The following ADK variants were observed in gnomAD, a reference collection of about 807,000 sequenced individuals.
ADK encodes N6,N6-dimethyladenosine kinase.
In ADK, 24 loss-of-function variants were observed where a neutral mutation model predicts 44.7. That is an observed-to-expected ratio of 0.54 (90% CI 0.39 to 0.76). The LOEUF (loss-of-function observed/expected upper bound fraction) is 0.76. Ranked by LOEUF, ADK falls within the 30% of genes least tolerant of loss-of-function variation. The pLI is 0.00. For missense variants in ADK, 321 were observed against 425.1 expected, an observed-to-expected ratio of 0.76 and a Z score of 2.15; for synonymous variants, 128 against 142.6, an observed-to-expected ratio of 0.90 and a Z score of 0.73.
At chr10:74,677,061 G>A (rs954730506) in intron 10 of ADK, among the ~76,000 whole-genome samples, 1 of 152,014 alleles carries the variant, frequency 6.6e-6, no homozygotes, top group African/African-American at 2.4e-5. Context: ...CCTGGACAAC[G>A]TGGCAAAACC....
intron 6 of ADK, among the ~76,000 whole-genome samples, chr10:74,475,157 C>A (rs1438617082): frequency 5.3e-5 from 8 of 149,802 alleles, no homozygotes; most frequent in African/African-American, 1.7e-4. Flanking sequence ...CAAAAAAAAA[C>A]AAAACAAAAA....
At chr10:74,252,189 A>C (rs149562527) in intron 3 of ADK, among the ~76,000 whole-genome samples, 1 of 152,312 alleles carries the variant, frequency 6.6e-6, no homozygotes, top group East Asian at 1.9e-4. Context: ...TTTGGGGCCT[A>C]GGTCAGGATA....
chr10:74,512,045 T>C (rs1848353799), intron 6 of ADK, among the ~76,000 whole-genome samples: 1 of 152,222 alleles, frequency 6.6e-6, no homozygotes, highest in Non-Finnish European at 1.5e-5. Flanking sequence ...TTTTCTGCTT[T>C]TCATTGAGAT....
chr10:74,656,075 G>T, intron 9 of ADK: 1 of 432,364 alleles, frequency 2.3e-6, no homozygotes. Flanking sequence ...TGGGACATGT[G>T]AAGCACAAAC....
At chr10:74,160,296 C>G (rs1440358978) in intron 1 of ADK, among the ~76,000 whole-genome samples, 4 of 152,100 alleles carry the variant, frequency 2.6e-5, no homozygotes, top group South Asian at 2.1e-4. Flanking sequence ...AAGTTACCAC[C>G]CTTTTCCTAG....
intron 7 of ADK, among the ~76,000 whole-genome samples, chr10:74,526,817 G>C (rs894039104): frequency 1.3e-5 from 2 of 152,158 alleles, no homozygotes; most frequent in Non-Finnish European, 2.9e-5. Context: ...ATTTGACTAA[G>C]ATCTACCATT....
At chr10:74,585,113 A>G (rs753603346) in intron 7 of ADK, among the ~76,000 whole-genome samples, 19 of 152,076 alleles carry the variant, frequency 1.2e-4, no homozygotes, top group Non-Finnish European at 2.4e-4. Flanking sequence ...ATAGCTCTTA[A>G]TGTAAGTATT....
intron 6 of ADK, among the ~76,000 whole-genome samples, chr10:74,414,961 C>G (rs1211552786): frequency 6.6e-6 from 1 of 152,076 alleles, no homozygotes; most frequent in Non-Finnish European, 1.5e-5. Context: ...GAGAAGAAAT[C>G]TTTGGGAATA....
chr10:74,296,170 C>T (rs1339644399), intron 3 of ADK, among the ~76,000 whole-genome samples: 3 of 151,430 alleles, frequency 2.0e-5, no homozygotes, highest in Non-Finnish European at 2.9e-5. Context: ...GGATACAGGA[C>T]CATATAAAAA....
At chr10:74,626,484 G>A (rs2134044790) in intron 9 of ADK, among the ~76,000 whole-genome samples, 1 of 152,062 alleles carries the variant, frequency 6.6e-6, no homozygotes, top group African/African-American at 2.4e-5. Flanking sequence ...TGTATTTTTA[G>A]TAGAGATGGG....
At position 74,300,236 on chromosome 10, in the gene ADK, T is replaced by TCTC. The variant is rs1554840089; in HGVS notation, c.195-14431_195-14430insCTC. Among the ~76,000 whole-genome samples the TCTC allele has an allele frequency of 2.3e-3, 316 of 139,094 alleles. 3 individuals are homozygous for TCTC. The highest frequency in any genetic ancestry group is 8.2e-3 in the African/African-American group (298 of 36,236). The allele number at this position is 139,094 out of a possible 152,430, so 91.3% of individuals were successfully genotyped here. ...ATATTGTTGTTGTTTGTTTCTTTCT[T>TCTC]TCTCTCTCTCTCTCTCTCCTTGTTT... On this transcript the variant is annotated intron_variant, in intron 3 of 10. Transcript: ENST00000539909.
intron 8 of ADK, among the ~76,000 whole-genome samples, chr10:74,591,717 C>T (rs774266592): frequency 3.9e-5 from 6 of 152,170 alleles, no homozygotes; most frequent in African/African-American, 7.2e-5. Context: ...CAAAAATCTG[C>T]ATTTTATCCC....
chr10:74,401,226 G>GT (rs1843697401), intron 6 of ADK, among the ~76,000 whole-genome samples: 1 of 152,100 alleles, frequency 6.6e-6, no homozygotes, highest in Admixed American at 6.6e-5. Flanking sequence ...GGATATATCT[G>GT]TTTTTTCTCA....
At chr10:74,486,295 G>T (rs140350339) in intron 6 of ADK, among the ~76,000 whole-genome samples, 2,512 of 152,122 alleles carry the variant, frequency 0.017, 41 homozygotes, top group Non-Finnish European at 0.029. Context: ...AGTTTCCTGA[G>T]GTCACTCTAG....
chr10:74,688,646 G>A (rs1031094979), intron 10 of ADK, among the ~76,000 whole-genome samples: 9 of 152,176 alleles, frequency 5.9e-5, no homozygotes, highest in African/African-American at 2.2e-4. Flanking sequence ...CAGGTGCAGT[G>A]GCTTACGCGT....
At chr10:74,506,985 A>C (rs921705137) in intron 6 of ADK, among the ~76,000 whole-genome samples, 19 of 152,370 alleles carry the variant, frequency 1.2e-4, no homozygotes, top group African/African-American at 4.6e-4. Context: ...CATGCAGTTC[A>C]AACCCAAGTT....
intron 6 of ADK, among the ~76,000 whole-genome samples, chr10:74,485,383 G>A (rs954410264): frequency 4.0e-5 from 6 of 151,754 alleles, no homozygotes; most frequent in African/African-American, 1.5e-4. Context: ...TATTGCTTGA[G>A]CCCAGGATGT....
chr10:74,652,050 CTTTT>C (rs1162009549), intron 9 of ADK, among the ~76,000 whole-genome samples: 1 of 140,414 alleles, frequency 7.1e-6, no homozygotes, highest in Non-Finnish European at 1.5e-5. Flanking sequence ...TTCTTTCTTT[CTTTT>C]TTTTTTTTTT....
At chr10:74,349,916 G>C (rs1841909256) in intron 4 of ADK, among the ~76,000 whole-genome samples, 1 of 152,126 alleles carries the variant, frequency 6.6e-6, no homozygotes, top group South Asian at 2.1e-4. Flanking sequence ...CATAAAACAA[G>C]TTCTCAGAGA....
Sources: gnomAD v4.1 joint callset for allele counts (sites outside exome capture counted in the v4.1 genomes callset) on GRCh38, gnomAD v4.1.1 for gene constraint, MANE v1.5 for transcripts, NCBI Gene and HGNC (gene_info 2026-07-23, HGNC 2026-07-21) for gene names.